The following YY1 variants were observed in gnomAD, a reference collection of about 807,000 sequenced individuals.
The protein encoded by YY1 is transcriptional repressor protein YY1.
Under a neutral mutation model 35.6 loss-of-function variants are expected in YY1, and 2 were observed. The ratio of observed to expected loss-of-function variants is 0.06; its 90% confidence interval spans 0.02 to 0.18. The LOEUF is 0.18. Ranked by LOEUF, YY1 falls within the 10% of genes least tolerant of loss-of-function variation. The probability of loss-of-function intolerance (pLI) is 1.00; values close to 1 mark genes in which losing one functional copy is unlikely to be tolerated. For missense variants in YY1, 322 were observed against 573.4 expected, an observed-to-expected ratio of 0.56 and a Z score of 4.48; for synonymous variants, 268 against 238.9, an observed-to-expected ratio of 1.12 and a Z score of -1.12.
intron 2 of YY1, among the ~76,000 whole-genome samples, chr14:100,266,410 A>G (rs537520858): frequency 9.2e-5 from 14 of 152,248 alleles, no homozygotes; most frequent in Admixed American, 3.3e-4. Context: ...AAAGGTTTTG[A>G]AGAGAGAGGG....
intron 2 of YY1, among the ~76,000 whole-genome samples, chr14:100,263,445 G>T (rs1891111994): frequency 6.6e-6 from 1 of 152,196 alleles, no homozygotes. Flanking sequence ...GGTTGGGTGT[G>T]TTTGTTTTGC....
rs1302838623 is a variant in YY1 at position 100,279,807 on chromosome 14, G to A, written c.*2207G>A. On this transcript the variant is annotated 3_prime_UTR_variant, in exon 5 of 5. Transcript: ENST00000262238. ...AGCCTGGCCCTGGCACTGTCCTCAG[G>A]ACCCTGCCCAAGGGCCCACCGCAGA... is the stretch of plus-strand genomic sequence containing the variant. 6.6e-6 allele frequency: 1 copy of A among 152,316 alleles called. No individual in the cohort carries two copies. The highest frequency in any genetic ancestry group is 1.5e-5 in the Non-Finnish European group (1 of 68,112). 9.4% of individuals were successfully genotyped at this position (152,316 alleles called of 1,614,324 possible).
At chr14:100,261,537 C>G (rs1320139504) in intron 1 of YY1, among the ~76,000 whole-genome samples, 1 of 152,138 alleles carries the variant, frequency 6.6e-6, no homozygotes, top group African/African-American at 2.4e-5. Context: ...TTGAACAAGG[C>G]TCTGTAAATG....
intron 1 of YY1, among the ~76,000 whole-genome samples, chr14:100,250,725 A>T (rs1224832813): frequency 6.6e-6 from 1 of 151,912 alleles, no homozygotes; most frequent in African/African-American, 2.4e-5. Context: ...TAAAAAATGT[A>T]TTAAGGAACG....
intron 1 of YY1, among the ~76,000 whole-genome samples, chr14:100,261,363 A>G: frequency 6.6e-6 from 1 of 151,748 alleles, no homozygotes; most frequent in African/African-American, 2.4e-5. Flanking sequence ...TAATTTTTGT[A>G]TTTTTAAGTA....
chr14:100,270,964 G>C (rs1369166147), intron 2 of YY1, among the ~76,000 whole-genome samples: 2 of 152,050 alleles, frequency 1.3e-5, no homozygotes, highest in Non-Finnish European at 2.9e-5. Flanking sequence ...AAAAAAAATA[G>C]GCTGGGCGCG....
chr14:100,282,295 T>C lies in YY1; in HGVS notation c.*4695T>C, dbSNP rs1157380316. The C allele has an allele frequency of 9.4e-5, 3 of 31,752 alleles. No individual in the cohort carries two copies. The highest frequency in any genetic ancestry group is 3.1e-3 in the South Asian group (1 of 320). 2.0% of individuals were successfully genotyped at this position (31,752 alleles called of 1,614,324 possible). A position where few individuals can be genotyped will look rare whatever the true frequency, so the allele number is the denominator to read the frequency against. On this transcript the variant is annotated 3_prime_UTR_variant, in exon 5 of 5. Transcript: ENST00000262238. ...CGCTTTTCATGAGACACCCAGATGC[T>C]GTAAAAAAAAAAAACAGCACTGGGA...
At chr14:100,271,729 C>G (rs886722878) in intron 2 of YY1, among the ~76,000 whole-genome samples, 1 of 152,048 alleles carries the variant, frequency 6.6e-6, no homozygotes, top group Admixed American at 6.6e-5. Flanking sequence ...ATCGCAGCCT[C>G]AAATTCCTGG....
At chr14:100,247,739 C>A (rs1175364060) in intron 1 of YY1, among the ~76,000 whole-genome samples, 3 of 152,144 alleles carry the variant, frequency 2.0e-5, no homozygotes, top group African/African-American at 7.2e-5. Context: ...TTTCCTCGTT[C>A]TAAGTATCTT....
intron 2 of YY1, among the ~76,000 whole-genome samples, chr14:100,267,773 C>T (rs536708369): frequency 1.3e-5 from 2 of 152,336 alleles, no homozygotes; most frequent in South Asian, 4.1e-4. Context: ...CCACCCACCT[C>T]GGCCTCCCAA....
In YY1 at chr14:100,274,514, GAGTGCTTCAC is replaced by G. The variant is rs1381253369; in HGVS notation, c.843-180_843-171del. 2.6e-5 allele frequency among the ~76,000 whole-genome samples: 4 copies of G among 152,248 alleles called. No individual in the cohort carries two copies. In the East Asian group the frequency reaches 7.7e-4, roughly 29 times the overall value. On this transcript the variant is annotated intron_variant, in intron 2 of 4. Coordinates refer to ENST00000262238, the MANE Select transcript of YY1 (RefSeq NM_003403.5). ...AGCATCCTTATCTGTAAGATGGGAA[GAGTGCTTCAC>G]AGTCATTGGTACTTAGTGAATGCAA...
chr14:100,240,184 C>G (rs541371840), intron 1 of YY1, among the ~76,000 whole-genome samples: 17 of 143,582 alleles, frequency 1.2e-4, no homozygotes, highest in South Asian at 4.3e-4. Context: ...GGGGAAGCGC[C>G]GCGCGGGGCG....
chr14:100,243,251 T>C (rs1429653712), intron 1 of YY1, among the ~76,000 whole-genome samples: 3 of 152,236 alleles, frequency 2.0e-5, no homozygotes, highest in Non-Finnish European at 4.4e-5. Flanking sequence ...TATGTATGTG[T>C]ACATATGGGT....
At chr14:100,259,909 T>C (rs1211090306) in intron 1 of YY1, among the ~76,000 whole-genome samples, 1 of 152,204 alleles carries the variant, frequency 6.6e-6, no homozygotes, top group Non-Finnish European at 1.5e-5. Flanking sequence ...GAAGGGATTA[T>C]ACCATGGGTG....
Position 100,260,444 on chromosome 14 carries a change from T to G in YY1, c.680-1860T>G, listed in dbSNP as rs201509866. On this transcript the variant is annotated intron_variant, in intron 1 of 4. Coordinates refer to ENST00000262238, the MANE Select transcript of YY1 (RefSeq NM_003403.5). ...ATATGAATATATATATATATATATA[T>G]ATACACACACACACACATATATGTA... 1.6e-3 allele frequency among the ~76,000 whole-genome samples: 206 copies of G among 127,034 alleles called. 1 individual carries two copies. The highest frequency in any genetic ancestry group is 0.015 in the South Asian group (53 of 3,592). 83.3% of individuals were successfully genotyped at this position (127,034 alleles called of 152,430 possible). A position where few individuals can be genotyped will look rare whatever the true frequency, so the allele number is the denominator to read the frequency against.
At chr14:100,253,719 T>C (rs1441156749) in intron 1 of YY1, among the ~76,000 whole-genome samples, 1 of 151,982 alleles carries the variant, frequency 6.6e-6, no homozygotes, top group Non-Finnish European at 1.5e-5. Context: ...ACTCCTGGCC[T>C]CGGGTGATCC....
chr14:100,256,865 T>G (rs2139583306), intron 1 of YY1, among the ~76,000 whole-genome samples: 1 of 149,824 alleles, frequency 6.7e-6, no homozygotes, highest in South Asian at 2.1e-4. Flanking sequence ...TTACCACAAT[T>G]TTTTTTTTTT....
chr14:100,251,321 G>C (rs1475592725), intron 1 of YY1, among the ~76,000 whole-genome samples: 3 of 152,196 alleles, frequency 2.0e-5, no homozygotes, highest in Non-Finnish European at 2.9e-5. Flanking sequence ...AGGGGTCAAG[G>C]AATGTAGGCA....
chr14:100,280,032 A>T lies in YY1; in HGVS notation c.*2432A>T, dbSNP rs1414437249. ...TGACTCTCTCTGTTCACGTCTTCTCAGTCTGCAGAGTTAACTTCTGTAAGG... is the reference window on the plus strand; with the variant it reads ...TGACTCTCTCTGTTCACGTCTTCTCTGTCTGCAGAGTTAACTTCTGTAAGG... On this transcript the variant is annotated 3_prime_UTR_variant, in exon 5 of 5. Transcript: ENST00000262238. 6.6e-6 allele frequency: 1 copy of T among 152,254 alleles called. No homozygotes were observed. The highest frequency in any genetic ancestry group is 1.5e-5 in the Non-Finnish European group (1 of 68,044). 9.4% of individuals were successfully genotyped at this position (152,254 alleles called of 1,614,324 possible).
Sources: allele counts gnomAD v4.1 joint callset (sites outside exome capture counted in the v4.1 genomes callset), GRCh38; gene constraint gnomAD v4.1.1; transcripts MANE v1.5; gene names NCBI Gene and HGNC (gene_info 2026-07-23, HGNC 2026-07-21).